The following DNER variants were observed in gnomAD, a reference collection of about 807,000 sequenced individuals.
DNER encodes the protein delta/notch like EGF repeat containing.
In DNER, 33 loss-of-function variants were observed where a neutral mutation model predicts 78.2. The observed-to-expected ratio is 0.42, with a 90% confidence interval of 0.32 to 0.56. DNER has a LOEUF of 0.56. DNER is among the 20% of genes least tolerant of loss of function. The pLI is 0.11. For missense variants in DNER, 918 were observed against 975.3 expected (o/e 0.94, Z 0.78); for synonymous variants, 417 against 384.8 (o/e 1.08, Z -0.98).
intron 4 of DNER, among the ~76,000 whole-genome samples, chr2:229,561,666 T>C (rs1000677974): frequency 1.3e-5 from 2 of 152,214 alleles, no homozygotes; most frequent in Non-Finnish European, 2.9e-5. Context: ...TTCTGTTTAA[T>C]ATTTTTTCAA....
At chr2:229,598,779 C>T (rs1030352316) in intron 1 of DNER, among the ~76,000 whole-genome samples, 6 of 152,050 alleles carry the variant, frequency 3.9e-5, no homozygotes, top group Non-Finnish European at 4.4e-5. Flanking sequence ...AGTGCCCTGG[C>T]GTTGGCCCTG....
At chr2:229,582,701 G>A (rs572257128) in intron 4 of DNER, among the ~76,000 whole-genome samples, 42 of 152,016 alleles carry the variant, frequency 2.8e-4, no homozygotes, top group Non-Finnish European at 4.3e-4. Flanking sequence ...GTGCAGTGGC[G>A]TGATCTTGGC....
intron 5 of DNER, among the ~76,000 whole-genome samples, chr2:229,546,213 C>G (rs1157685263): frequency 6.6e-6 from 1 of 152,200 alleles, no homozygotes; most frequent in Non-Finnish European, 1.5e-5. Flanking sequence ...TCCACTCTTG[C>G]TAATGTATAC....
chr2:229,551,504 A>G (rs1696735617), intron 4 of DNER, among the ~76,000 whole-genome samples: 1 of 151,972 alleles, frequency 6.6e-6, no homozygotes, highest in South Asian at 2.1e-4. Context: ...CGTGATGGTG[A>G]GCACCTGTAA....
chr2:229,541,754 G>A (rs1296020496), intron 5 of DNER, among the ~76,000 whole-genome samples: 1 of 151,640 alleles, frequency 6.6e-6, no homozygotes, highest in East Asian at 1.9e-4. Context: ...ACTCTTTCCT[G>A]AGTCTCCAGT....
At chr2:229,447,670 C>A in intron 7 of DNER, 130 bp from the exon 8 acceptor site, 2 of 1,027,668 alleles carry the variant, frequency 1.9e-6, no homozygotes, top group Non-Finnish European at 2.8e-6. Flanking sequence ...TGTCACAACC[C>A]AACAAGATAG....
chr2:229,429,343 G>T (rs1474488586), intron 8 of DNER, among the ~76,000 whole-genome samples: 1 of 152,250 alleles, frequency 6.6e-6, no homozygotes, highest in Non-Finnish European at 1.5e-5. Flanking sequence ...CTCAGTGCCA[G>T]TGTGTCACAT....
intron 1 of DNER, among the ~76,000 whole-genome samples, chr2:229,708,366 G>A (rs1373848162): frequency 1.3e-5 from 2 of 152,208 alleles, no homozygotes; most frequent in South Asian, 2.1e-4. Flanking sequence ...CAGGGGAACC[G>A]TAGGACCCAC....
At chr2:229,561,361 A>C (rs571090958) in intron 4 of DNER, among the ~76,000 whole-genome samples, 4 of 152,310 alleles carry the variant, frequency 2.6e-5, no homozygotes, top group African/African-American at 9.6e-5. Flanking sequence ...TATCCTAGCA[A>C]ACATACAATC....
chr2:229,642,886 C>A (rs1698651992), intron 1 of DNER, among the ~76,000 whole-genome samples: 1 of 152,062 alleles, frequency 6.6e-6, no homozygotes, highest in African/African-American at 2.4e-5. Flanking sequence ...TTACTTGAGG[C>A]CATGGAGGGC....
At chr2:229,374,407 A>G (rs1692555067) in intron 11 of DNER, among the ~76,000 whole-genome samples, 1 of 152,240 alleles carries the variant, frequency 6.6e-6, no homozygotes. Context: ...GAATAAACAA[A>G]TAAATGAATT....
chr2:229,473,721 G>A (rs1694977379), intron 7 of DNER, among the ~76,000 whole-genome samples: 1 of 152,084 alleles, frequency 6.6e-6, no homozygotes. Flanking sequence ...TTTCCTCAAA[G>A]AATAACACAG....
chr2:229,518,747 G>A (rs1298713798), intron 5 of DNER, among the ~76,000 whole-genome samples: 1 of 152,092 alleles, frequency 6.6e-6, no homozygotes, highest in Non-Finnish European at 1.5e-5. Context: ...ATTAAATATT[G>A]AAGAGCCATA....
At chr2:229,444,598 A>C (rs1006828619) in intron 8 of DNER, among the ~76,000 whole-genome samples, 8 of 152,210 alleles carry the variant, frequency 5.3e-5, no homozygotes, top group African/African-American at 1.9e-4. Context: ...AACTATAAGA[A>C]AAAGTTTGGG....
intron 1 of DNER, among the ~76,000 whole-genome samples, chr2:229,606,786 G>T (rs753179005): frequency 1.3e-5 from 2 of 152,022 alleles, no homozygotes; most frequent in Admixed American, 6.6e-5. Flanking sequence ...CCAGCTACTC[G>T]GGAGGCTGAG....
intron 10 of DNER, among the ~76,000 whole-genome samples, chr2:229,390,410 A>G (rs934916609): frequency 3.3e-5 from 5 of 152,258 alleles, no homozygotes; most frequent in African/African-American, 4.8e-5. Context: ...TCCAGTCCAG[A>G]GCTTCTCCAA....
At chr2:229,419,926 T>G (rs573181139) in intron 8 of DNER, among the ~76,000 whole-genome samples, 1 of 147,542 alleles carries the variant, frequency 6.8e-6, no homozygotes, top group Admixed American at 6.9e-5. Context: ...TGGCATCTAG[T>G]AGGCAGAGTC....
chr2:229,707,749 A>C (rs1699852438), intron 1 of DNER, among the ~76,000 whole-genome samples: 1 of 152,244 alleles, frequency 6.6e-6, no homozygotes, highest in Non-Finnish European at 1.5e-5. Context: ...GTGTGTTCAA[A>C]TAAAACATGA....
chr2:229,622,644 C>G (rs1322327924), intron 1 of DNER, among the ~76,000 whole-genome samples: 1 of 152,076 alleles, frequency 6.6e-6, no homozygotes, highest in African/African-American at 2.4e-5. Context: ...TTTTTGGAAA[C>G]AGGGTCTTTG....
Sources: gnomAD v4.1 joint callset for allele counts (sites outside exome capture counted in the v4.1 genomes callset) on GRCh38, gnomAD v4.1.1 for gene constraint, MANE v1.5 for transcripts, NCBI Gene and HGNC (gene_info 2026-07-23, HGNC 2026-07-21) for gene names.